Variants in TAB1 observed in about 807,000 individuals in gnomAD.
TAB1 encodes the protein TGF-beta-activated kinase 1 and MAP3K7-binding protein 1.
A neutral mutation model predicts 54.5 loss-of-function variants in TAB1; 30 were observed. The observed-to-expected ratio is 0.55, with a 90% CI of 0.41 to 0.75. TAB1 has a LOEUF of 0.75. Ranked by LOEUF, TAB1 falls within the 30% of genes least tolerant of loss-of-function variation. The pLI, the probability that TAB1 is intolerant of heterozygous loss-of-function variation, is 0.00. For synonymous variants in TAB1, 289 were observed against 286.9 expected (o/e 1.01, Z -0.07); for missense variants, 609 against 683.2 (o/e 0.89, Z 1.21).
At chr22:39,421,556 C>T (rs753268927) in intron 7 of TAB1, among the ~76,000 whole-genome samples, 6 of 152,170 alleles carry the variant, frequency 3.9e-5, no homozygotes, top group Non-Finnish European at 8.8e-5. Context: ...GTGAACAGGA[C>T]GTATGGAACA....
Position 39,413,722 on chromosome 22 carries a change from G to T in TAB1, c.34-1284G>T, listed in dbSNP as rs1481106284. ...TTACGGGCGTGAGCCACTGCACCCA[G>T]CCAATACAAATTTTATTTTCCTTGA... is the stretch of plus-strand genomic sequence containing the variant. On this transcript the variant is annotated intron_variant, in intron 1 of 10. Transcript: ENST00000216160. Among the ~76,000 whole-genome samples the T allele has an allele frequency of 3.3e-5, 5 of 152,330 alleles. No individual in the cohort carries two copies. In the East Asian group the frequency reaches 9.6e-4, roughly 29 times the overall value.
intron 8 of TAB1, among the ~76,000 whole-genome samples, chr22:39,426,322 A>G (rs1336086011): frequency 1.3e-5 from 2 of 152,232 alleles, no homozygotes; most frequent in East Asian, 3.8e-4. Flanking sequence ...AACATCGCCT[A>G]CAACAAGTTT....
At chr22:39,436,347 G>A (rs867481768), downstream of TAB1, 54 of 659,838 alleles carry the variant, frequency 8.2e-5, no homozygotes, top group African/African-American at 7.3e-4. Context: ...TGTAGCTGAC[G>A]TGTAATATCT....
At chr22:39,429,486 C>CT (rs1927493162) in intron 10 of TAB1, 84 of 632,748 alleles carry the variant, frequency 1.3e-4, no homozygotes, top group Non-Finnish European at 1.4e-4. Flanking sequence ...ATTTTCTTTC[C>CT]ATTTTTTTGA....
Position 39,417,785 on chromosome 22 carries a change from T to G in TAB1, c.486T>G (p.Ile162Met), listed in dbSNP as rs1451095119. Residue 162 changes from isoleucine (I) to methionine (M), a missense_variant, in exon 5 of 11, where the codon ATT becomes ATG. Physicochemically the swap from Ile to Met is conservative, Grantham distance 10 (BLOSUM62 1). Coordinates refer to ENST00000216160, the MANE Select transcript of TAB1 (RefSeq NM_006116.3). ...LERLKTLERE[I>M]SGGAMAVVAV... ...GACTCAAGACGTTAGAGAGGGAAATTTCGGGAGGGGCCATGGCCGTTGTGG... is the reference window on the plus strand; with the variant it reads ...GACTCAAGACGTTAGAGAGGGAAATGTCGGGAGGGGCCATGGCCGTTGTGG... 1 of 1,613,352 alleles carries G rather than the reference T, an allele frequency of 6.2e-7. No homozygotes were observed. Among genetic ancestry groups the G allele is most frequent in the Admixed American group, 1.7e-5 (1 of 59,908 alleles).
chr22:39,427,909 C>A, intron 9 of TAB1, 112 bp from the exon 10 acceptor site: 1 of 1,103,744 alleles, frequency 9.1e-7, no homozygotes, highest in Non-Finnish European at 1.3e-6. Flanking sequence ...TGGCCGCCAC[C>A]CACACTCAGC....
rs772596451 is a variant in TAB1, at chr22:39,414,994, G to A, written c.34-12G>A. The A allele has an allele frequency of 1.9e-6, 3 of 1,613,826 alleles. No individual in the cohort carries two copies. The highest frequency in any genetic ancestry group is 2.5e-6 in the Non-Finnish European group (3 of 1,179,994). On this transcript the variant is annotated splice_polypyrimidine_tract_variant and intron_variant, in intron 1 of 10. Coordinates refer to ENST00000216160, the MANE Select transcript of TAB1 (RefSeq NM_006116.3). The stretch of plus-strand genomic sequence containing the variant: ...CGGTGGCGTCTCACGGCTTCCTGGT[G>A]TCCTTCCCCAGGAGCAGCAGCCAAG...
chr22:39,420,267 G>A (rs1305623872), intron 7 of TAB1, among the ~76,000 whole-genome samples: 1 of 152,216 alleles, frequency 6.6e-6, no homozygotes, highest in Non-Finnish European at 1.5e-5. Flanking sequence ...CATCACCCCA[G>A]AGGCATTTTC....
Position 39,399,782 on chromosome 22 carries a change from T to C in TAB1, c.-21T>C. The C allele has an allele frequency of 6.3e-7, 1 of 1,581,044 alleles. No homozygotes were observed. Among genetic ancestry groups the C allele is most frequent in the Non-Finnish European group, 8.6e-7 (1 of 1,164,000 alleles). On this transcript the variant is annotated 5_prime_UTR_variant, in exon 1 of 11. Coordinates refer to ENST00000216160, the MANE Select transcript of TAB1 (RefSeq NM_006116.3). Reference sequence around the variant, plus strand: ...CGCTGCTCTGCGGGGAGGCGGGCGCTCCCGCAGGGGTTCCTCCAAGATGGC... The same window carrying C: ...CGCTGCTCTGCGGGGAGGCGGGCGCCCCCGCAGGGGTTCCTCCAAGATGGC...
chr22:39,421,090 T>G (rs183322792), intron 7 of TAB1, among the ~76,000 whole-genome samples: 1 of 152,048 alleles, frequency 6.6e-6, no homozygotes, highest in East Asian at 1.9e-4. Flanking sequence ...TCTTTTTTTT[T>G]AAACCCTAAG....
intron 1 of TAB1, among the ~76,000 whole-genome samples, chr22:39,410,950 T>TA (rs987286717): frequency 3.3e-5 from 5 of 152,194 alleles, no homozygotes; most frequent in Non-Finnish European, 5.9e-5. Context: ...TTTAAAGACT[T>TA]ACTATAAAGC....
At chr22:39,406,564 C>CCTTA (rs1926375347) in intron 1 of TAB1, among the ~76,000 whole-genome samples, 1 of 152,030 alleles carries the variant, frequency 6.6e-6, no homozygotes. Context: ...ACAGGCTTTG[C>CCTTA]CTTACCATGG....
At chr22:39,412,892 C>CTTTTTT (rs34847488) in intron 1 of TAB1, among the ~76,000 whole-genome samples, 11 of 90,452 alleles carry the variant, frequency 1.2e-4, no homozygotes, top group East Asian at 4.0e-4. Context: ...TATCCTGCAA[C>CTTTTTT]TTTTTTTTTT....
At chr22:39,403,606 A>G (rs1806604615) in intron 1 of TAB1, among the ~76,000 whole-genome samples, 1 of 148,658 alleles carries the variant, frequency 6.7e-6, no homozygotes, top group Non-Finnish European at 1.5e-5. Flanking sequence ...TAGGGACCTG[A>G]TGTGATGTGA....
At position 39,415,480 on chromosome 22, in the gene TAB1, C is replaced by G. The variant is rs34196842; in HGVS notation, c.171-20C>G. ...TGAGACCCTGGTCTCAGGCCTCCCT[C>G]TGCCCTCTCCCTCTTCCAGGAGTGA... On this transcript the variant is annotated intron_variant, in intron 2 of 10. Coordinates refer to ENST00000216160, the MANE Select transcript of TAB1 (RefSeq NM_006116.3). This position sits in a 1 kb window ranked among gnomAD's most constrained non-coding sequence, Gnocchi z 4.9. The G allele has an allele frequency of 6.9e-4, 1,113 of 1,609,966 alleles. 8 individuals carry two copies. The African/African-American group carries it at 0.013, about 19-fold the overall frequency.
At position 39,431,425 on chromosome 22, in the gene TAB1, A is replaced by T. The variant is rs1312662037; in HGVS notation, c.*1203A>T. The T allele has an allele frequency of 1.0e-6, 1 of 985,416 alleles. No individual in the cohort carries two copies. Among genetic ancestry groups the T allele is most frequent in the Admixed American group, 6.2e-5 (1 of 16,260 alleles). The allele number at this position is 985,416 out of a possible 1,614,324, so 61.0% of individuals were successfully genotyped here. ...CTCAGACCTGAGCCATTTTGTCAGT[A>T]TCCAGGACCCCCCGGATTCTCCACG... On this transcript the variant is annotated 3_prime_UTR_variant, in exon 11 of 11. Coordinates refer to ENST00000216160, the MANE Select transcript of TAB1 (RefSeq NM_006116.3).
At chr22:39,405,211 A>G (rs538492753) in intron 1 of TAB1, among the ~76,000 whole-genome samples, 13 of 152,322 alleles carry the variant, frequency 8.5e-5, no homozygotes, top group Middle Eastern at 3.4e-3. Context: ...ATGGACACAT[A>G]TATACATGAG....
At chr22:39,406,783 C>T (rs1272131368) in intron 1 of TAB1, among the ~76,000 whole-genome samples, 1 of 152,156 alleles carries the variant, frequency 6.6e-6, no homozygotes, top group African/African-American at 2.4e-5. Context: ...CAGGCACCCA[C>T]CACCACGCCC....
chr22:39,405,973 A>G (rs1737498589), intron 1 of TAB1, among the ~76,000 whole-genome samples: 2 of 152,198 alleles, frequency 1.3e-5, no homozygotes, highest in Admixed American at 6.5e-5. Flanking sequence ...TAAGACACCA[A>G]TGTTTTAAGG....
Sources: allele counts gnomAD v4.1 joint callset (sites outside exome capture counted in the v4.1 genomes callset), GRCh38; gene constraint gnomAD v4.1.1; non-coding constraint Gnocchi (gnomAD v3.1); transcripts MANE v1.5; gene names NCBI Gene and HGNC (gene_info 2026-07-23, HGNC 2026-07-21).